ABCC1: variants seen among roughly 807,000 people sequenced by gnomAD.
ABCC1 encodes the protein ATP binding cassette subfamily C member 1 (ABCC1 blood group).
ABCC1 carries 83 observed loss-of-function variants against 172.9 expected under a neutral mutation model. That is an observed-to-expected ratio of 0.48 (90% CI 0.40 to 0.58). The LOEUF is 0.58. Among genes scored for constraint, ABCC1 ranks in the 20% least tolerant of loss-of-function variants. The probability of loss-of-function intolerance (pLI) is 0.00; values close to 1 mark genes in which losing one functional copy is unlikely to be tolerated. For synonymous variants in ABCC1, 937 were observed against 825.2 expected, an observed-to-expected ratio of 1.14 and a Z score of -2.32; for missense variants, 1,817 against 2,002.7, an observed-to-expected ratio of 0.91 and a Z score of 1.77.
chr16:16,008,593 G>A (rs540868904), intron 2 of ABCC1, among the ~76,000 whole-genome samples: 1 of 151,710 alleles, frequency 6.6e-6, no homozygotes, highest in East Asian at 2.0e-4. Flanking sequence ...GGTGGCTCAC[G>A]CCTGTAATCC....
intron 1 of ABCC1, among the ~76,000 whole-genome samples, chr16:16,006,847 T>TGGTGGCGGTGGC (rs71134499): frequency 5.4e-4 from 48 of 89,690 alleles, no homozygotes; most frequent in Middle Eastern, 4.5e-3. Context: ...TTATCCGTGG[T>TGGTGGCGGTGGC]GGTGGCGGTG....
chr16:16,006,004 AAT>A (rs1407275188), intron 1 of ABCC1, among the ~76,000 whole-genome samples: 43 of 151,594 alleles, frequency 2.8e-4, no homozygotes, highest in African/African-American at 7.8e-4. Context: ...GAAAAAAAAA[AAT>A]AAAAATAAAA....
chr16:16,041,852 G>T (rs1417311341), intron 7 of ABCC1, among the ~76,000 whole-genome samples: 1 of 151,978 alleles, frequency 6.6e-6, no homozygotes, highest in African/African-American at 2.4e-5. Context: ...ATTGCAGTAC[G>T]TTGGGAGGCT....
intron 1 of ABCC1, among the ~76,000 whole-genome samples, chr16:15,966,157 G>A (rs2046237411): frequency 6.6e-6 from 1 of 152,084 alleles, no homozygotes; most frequent in South Asian, 2.1e-4. Flanking sequence ...GCTCACGACT[G>A]TAATCCTAGC....
intron 30 of ABCC1, 54 bp from the exon 31 acceptor site, chr16:16,141,119 C>T: frequency 2.0e-6 from 3 of 1,516,258 alleles, no homozygotes; most frequent in East Asian, 4.5e-5. Context: ...GTCCCAGGGG[C>T]ACGAGGTGCT....
At chr16:16,018,149 G>C (rs896200745) in intron 5 of ABCC1, among the ~76,000 whole-genome samples, 1 of 152,170 alleles carries the variant, frequency 6.6e-6, no homozygotes, top group Non-Finnish European at 1.5e-5. Context: ...TGTTGGGTTT[G>C]GCCTAAACCT....
chr16:16,106,998 A>T, intron 21 of ABCC1, 125 bp downstream of exon 21: 3 of 1,351,148 alleles, frequency 2.2e-6, no homozygotes, highest in Non-Finnish European at 3.0e-6. Flanking sequence ...ACCTGTGAAG[A>T]TACTATTTGC....
At chr16:16,089,553 G>GA (rs374814319) in intron 18 of ABCC1, among the ~76,000 whole-genome samples, 122 of 128,310 alleles carry the variant, frequency 9.5e-4, no homozygotes, top group Admixed American at 1.3e-3. Flanking sequence ...ATCTCAAAAA[G>GA]AAAAAAAAAA....
At chr16:16,139,043 A>C (rs1370379907) in intron 30 of ABCC1, among the ~76,000 whole-genome samples, 1 of 152,172 alleles carries the variant, frequency 6.6e-6, no homozygotes, top group African/African-American at 2.4e-5. Context: ...CTAGTCATTC[A>C]TTCACGTCAG....
chr16:16,027,900 T>G (rs1029884862), intron 5 of ABCC1, among the ~76,000 whole-genome samples: 3 of 152,196 alleles, frequency 2.0e-5, no homozygotes, highest in Non-Finnish European at 4.4e-5. Context: ...CTACTACTAC[T>G]CATGTTACCC....
intron 1 of ABCC1, among the ~76,000 whole-genome samples, chr16:15,979,398 T>C (rs2046569162): frequency 1.3e-5 from 2 of 152,108 alleles, no homozygotes; most frequent in Admixed American, 6.5e-5. Context: ...GGTCTAAGTG[T>C]ATTTATTAAT....
At chr16:15,951,062 T>TG (rs2045860222) in intron 1 of ABCC1, among the ~76,000 whole-genome samples, 1 of 152,162 alleles carries the variant, frequency 6.6e-6, no homozygotes, top group African/African-American at 2.4e-5. Flanking sequence ...CTTGAGGGTC[T>TG]GGGGGTGATT....
Position 16,052,718 on chromosome 16 carries a change from C to T in ABCC1, c.1381-6C>T. The T allele has an allele frequency of 2.5e-6, 4 of 1,613,948 alleles. No homozygotes were observed. Among genetic ancestry groups the T allele is most frequent in the Non-Finnish European group, 3.4e-6 (4 of 1,179,878 alleles). ...GAGTGATGAAGAGTCTCCTTTCCTT[C>T]CTTAGAATCTGGGCCCTTCCGTCCT... On this transcript the variant is annotated splice_polypyrimidine_tract_variant and splice_region_variant and intron_variant, in intron 10 of 30. Transcript: ENST00000399410.
chr16:16,083,625 A>C (rs2050891990), intron 17 of ABCC1, 83 bp downstream of exon 17: 1 of 1,537,452 alleles, frequency 6.5e-7, no homozygotes, highest in Admixed American at 1.7e-5. Context: ...GTGGGCTGTG[A>C]GTCTGCTGCT....
At chr16:16,134,014 C>T (rs1320220698) in intron 27 of ABCC1, among the ~76,000 whole-genome samples, 1 of 152,088 alleles carries the variant, frequency 6.6e-6, no homozygotes, top group African/African-American at 2.4e-5. Flanking sequence ...TGAGGAAATG[C>T]CTGATTATTA....
intron 18 of ABCC1, among the ~76,000 whole-genome samples, chr16:16,089,926 C>T (rs564808295): frequency 6.6e-6 from 1 of 151,304 alleles, no homozygotes; most frequent in South Asian, 2.1e-4. Flanking sequence ...TTTGCTGTGG[C>T]ACCATCCTTT....
At chr16:15,975,142 A>G (rs895746951) in intron 1 of ABCC1, among the ~76,000 whole-genome samples, 1 of 152,108 alleles carries the variant, frequency 6.6e-6, no homozygotes, top group Non-Finnish European at 1.5e-5. Context: ...TGCCTGCTGT[A>G]TTTCTCGTTC....
chr16:16,004,841 A>G (rs2047463724), intron 1 of ABCC1, among the ~76,000 whole-genome samples: 1 of 138,248 alleles, frequency 7.2e-6, no homozygotes, highest in Non-Finnish European at 1.6e-5. Flanking sequence ...TTTTAGTAAA[A>G]TATAAAAATT....
chr16:16,033,385 G>A (rs945737196), intron 6 of ABCC1, among the ~76,000 whole-genome samples: 2 of 152,332 alleles, frequency 1.3e-5, no homozygotes, highest in South Asian at 2.1e-4. Flanking sequence ...CACGTGAGCC[G>A]TGAGCAGCTG....
Sources: gnomAD v4.1 joint callset for allele counts (sites outside exome capture counted in the v4.1 genomes callset) on GRCh38, gnomAD v4.1.1 for gene constraint, MANE v1.5 for transcripts, NCBI Gene and HGNC (gene_info 2026-07-23, HGNC 2026-07-21) for gene names.